DLC1: variants seen among roughly 807,000 people sequenced by gnomAD.
DLC1 encodes DLC1 Rho GTPase activating protein.
Under a neutral mutation model 140.3 loss-of-function variants are expected in DLC1, and 54 were observed. The observed-to-expected ratio is 0.38, with a 90% CI of 0.31 to 0.48. DLC1 has a LOEUF of 0.48. DLC1 is among the 20% of genes least tolerant of loss of function. The probability of loss-of-function intolerance (pLI) is 0.96; values close to 1 mark genes in which losing one functional copy is unlikely to be tolerated. For synonymous variants in DLC1, 986 were observed against 728.1 expected, an observed-to-expected ratio of 1.35 and a Z score of -5.70; for missense variants, 2,536 against 1,907.0, an observed-to-expected ratio of 1.33 and a Z score of -6.14.
chr8:13,459,226 C>G (rs922149124), intron 2 of DLC1, among the ~76,000 whole-genome samples: 3 of 152,046 alleles, frequency 2.0e-5, no homozygotes, highest in African/African-American at 4.8e-5. Context: ...CTGTGAAGTT[C>G]TGTGTTTTTC....
At chr8:13,488,392 A>G (rs1490748161) in intron 2 of DLC1, among the ~76,000 whole-genome samples, 13 of 152,234 alleles carry the variant, frequency 8.5e-5, no homozygotes, top group Admixed American at 6.5e-5. Context: ...TAAATTAGCT[A>G]TAAAGCCAGC....
chr8:13,547,535 C>G (rs1433634590), intron 1 of DLC1, among the ~76,000 whole-genome samples: 3 of 152,064 alleles, frequency 2.0e-5, no homozygotes, highest in Non-Finnish European at 4.4e-5. Flanking sequence ...TTCTTGTTCT[C>G]TGTCCTCAAA....
intron 1 of DLC1, among the ~76,000 whole-genome samples, chr8:13,522,568 T>C (rs1380498718): frequency 6.6e-6 from 1 of 151,840 alleles, no homozygotes; most frequent in African/African-American, 2.4e-5. Context: ...GAGGTTGAAG[T>C]GAGCCAAGAT....
intron 1 of DLC1, among the ~76,000 whole-genome samples, chr8:13,581,240 C>G (rs1458474956): frequency 1.3e-5 from 2 of 152,152 alleles, no homozygotes; most frequent in African/African-American, 4.8e-5. Context: ...ATTTAAATTT[C>G]CATTTGTTCA....
chr8:13,350,930 ATTT>A (rs1239289013), intron 4 of DLC1, among the ~76,000 whole-genome samples: 1 of 151,810 alleles, frequency 6.6e-6, no homozygotes, highest in Non-Finnish European at 1.5e-5. Context: ...TTTTGAATAT[ATTT>A]ATATTTTTAA....
chr8:13,294,563 A>C (rs114685499), intron 5 of DLC1, among the ~76,000 whole-genome samples: 117 of 152,320 alleles, frequency 7.7e-4, no homozygotes, highest in African/African-American at 2.7e-3. Flanking sequence ...AAACAGGAGG[A>C]GCAAAGGTCA....
At chr8:13,113,578 T>G (rs1008329188) in intron 6 of DLC1, among the ~76,000 whole-genome samples, 2 of 152,180 alleles carry the variant, frequency 1.3e-5, no homozygotes, top group Admixed American at 6.5e-5. Context: ...ACGAGCATAA[T>G]TGAAGAAAAC....
At chr8:13,114,497 G>A (rs558843083) in intron 6 of DLC1, among the ~76,000 whole-genome samples, 36 of 152,200 alleles carry the variant, frequency 2.4e-4, no homozygotes, top group African/African-American at 8.7e-4. Flanking sequence ...AAGAAAATGA[G>A]ATGTTAAGAA....
intron 4 of DLC1, among the ~76,000 whole-genome samples, chr8:13,329,605 G>A (rs752765274): frequency 3.9e-5 from 6 of 152,136 alleles, no homozygotes; most frequent in Non-Finnish European, 8.8e-5. Context: ...GGGTGACTTG[G>A]TTTAGGGCTA....
chr8:13,561,308 C>A (rs1222141557), intron 1 of DLC1, among the ~76,000 whole-genome samples: 1 of 151,938 alleles, frequency 6.6e-6, no homozygotes, highest in African/African-American at 2.4e-5. Context: ...TACAGCCACA[C>A]CTGGTGCAAC....
intron 5 of DLC1, among the ~76,000 whole-genome samples, chr8:13,186,442 A>T (rs944456767): frequency 6.6e-6 from 1 of 152,024 alleles, no homozygotes; most frequent in Non-Finnish European, 1.5e-5. Context: ...GATCGAATCC[A>T]CTATTGAAGC....
At chr8:13,120,526 G>C (rs1820971786) in intron 5 of DLC1, among the ~76,000 whole-genome samples, 2 of 151,612 alleles carry the variant, frequency 1.3e-5, no homozygotes, top group Admixed American at 1.3e-4. Context: ...CTCTGAATGT[G>C]TGATTTTCCC....
chr8:13,584,619 A>G (rs1396580357), intron 1 of DLC1: 1 of 152,204 alleles, frequency 6.6e-6, no homozygotes, highest in African/African-American at 2.4e-5. Context: ...AAGCTGGTAG[A>G]AGTCATGCTT....
At chr8:13,481,320 G>C (rs141968492) in intron 2 of DLC1, among the ~76,000 whole-genome samples, 1 of 152,188 alleles carries the variant, frequency 6.6e-6, no homozygotes, top group Non-Finnish European at 1.5e-5. Context: ...TTAGCTACTT[G>C]AGAGACTTAG....
In DLC1 at chr8:13,305,253, C is replaced by A; in HGVS notation, c.1348+16G>T. On this transcript the variant is annotated intron_variant, in intron 5 of 17. Transcript: ENST00000276297. ...AAATAGATTGGCGAGAAAACAGAAC[C>A]AAAATGTCAACTTACCAGCCTTTTC... The A allele has an allele frequency of 8.7e-6, 14 of 1,603,652 alleles. No individual in the cohort carries two copies. Among genetic ancestry groups the A allele is most frequent in the Non-Finnish European group, 1.2e-5 (14 of 1,174,904 alleles).
intron 4 of DLC1, among the ~76,000 whole-genome samples, chr8:13,334,003 G>A (rs923813735): frequency 1.3e-5 from 2 of 152,116 alleles, no homozygotes; most frequent in African/African-American, 2.4e-5. Context: ...ATTGCCTAAC[G>A]ACATGGAAAA....
chr8:13,146,061 A>G (rs968688992), intron 5 of DLC1, among the ~76,000 whole-genome samples: 2 of 151,964 alleles, frequency 1.3e-5, no homozygotes, highest in Non-Finnish European at 2.9e-5. Flanking sequence ...GGTGGATCAC[A>G]AGGTAGATCG....
intron 1 of DLC1, among the ~76,000 whole-genome samples, chr8:13,534,776 T>C (rs1005492347): frequency 3.9e-5 from 6 of 152,192 alleles, no homozygotes; most frequent in African/African-American, 1.4e-4. Context: ...CAATATTTTG[T>C]TGTTAGGCTT....
At chr8:13,162,003 C>A (rs7837398) in intron 5 of DLC1, among the ~76,000 whole-genome samples, 1 of 151,956 alleles carries the variant, frequency 6.6e-6, no homozygotes, top group Non-Finnish European at 1.5e-5. Context: ...TCATAGCAGC[C>A]GTTTGGTATA....
Sources: allele counts gnomAD v4.1 joint callset (sites outside exome capture counted in the v4.1 genomes callset), GRCh38; gene constraint gnomAD v4.1.1; transcripts MANE v1.5; gene names NCBI Gene and HGNC (gene_info 2026-07-23, HGNC 2026-07-21).